The following DYNC1H1 variants were observed in gnomAD, a reference collection of about 807,000 sequenced individuals.
DYNC1H1 encodes cytoplasmic dynein 1 heavy chain 1.
A neutral mutation model predicts 527.1 loss-of-function variants in DYNC1H1; 51 were observed. The ratio of observed to expected loss-of-function variants is 0.10; its 90% CI spans 0.08 to 0.12. DYNC1H1 has a LOEUF of 0.12. DYNC1H1 is among the 10% of genes least tolerant of loss of function. DYNC1H1 has a pLI of 1.00. For synonymous variants in DYNC1H1, 2,189 were observed against 2,278.8 expected (o/e 0.96, Z 1.12); for missense variants, 2,771 against 5,971.8 (o/e 0.46, Z 17.66).
chr14:102,010,773 C>T lies in DYNC1H1; in HGVS notation c.6439C>T (p.Pro2147Ser). 1 of 1,613,456 alleles carries T rather than the reference C, an allele frequency of 6.2e-7. No homozygotes were observed. ...LIQSVCETMV[P>S]KLVAEDIPLL... is the part of the protein sequence containing the mutation. ...ACAGAGCGTCTGTGAGACGATGGTG[C>T]CAAAGCTGGTGGCAGAGGACATCCC... The change falls in exon 32 of 78, where the codon CCA (proline) becomes TCA (serine). Residue 2147 changes from proline (P) to serine (S), a missense_variant. This residue lies in a region of DYNC1H1 where 56 missense variants were observed against 140.6 expected (regional missense o/e 0.40). Coordinates refer to ENST00000360184, the MANE Select transcript of DYNC1H1 (RefSeq NM_001376.5). This position sits in a 1 kb window ranked among gnomAD's most constrained non-coding sequence, Gnocchi z 6.0.
rs1299143976 is a variant in DYNC1H1, at chr14:101,986,782, C to T, written c.2538+19C>T. ...AGAAAAGGTATGCTCTCATGTAATC[C>T]TCAGGTGTCCTGGTAACGAATGAAG... On this transcript the variant is annotated intron_variant, in intron 8 of 77. Transcript: ENST00000360184. The surrounding 1 kb of genome is among the most constrained non-coding windows in gnomAD (Gnocchi z 8.7). 5 of 1,613,218 alleles carry T rather than the reference C, an allele frequency of 3.1e-6. No individual in the cohort carries two copies. In the Admixed American group the frequency reaches 6.7e-5, roughly 22 times the overall value.
At chr14:101,982,460 C>T (rs2047878718) in intron 5 of DYNC1H1, among the ~76,000 whole-genome samples, 1 of 151,964 alleles carries the variant, frequency 6.6e-6, no homozygotes, top group African/African-American at 2.4e-5. Context: ...GGCGTGGTGG[C>T]AGGCGCCTGT....
At position 102,017,743 on chromosome 14, in the gene DYNC1H1, G is replaced by T. The variant is rs1595618203; in HGVS notation, c.8177+239G>T. On this transcript the variant is annotated intron_variant, in intron 40 of 77. Transcript: ENST00000360184. The surrounding 1 kb of genome is among the most constrained non-coding windows in gnomAD (Gnocchi z 4.6). ...GCACTTTGGGAGGCCGAGGCGGGCG[G>T]ATCACGAGGTCAGGAGATTGAGACC... 2 of 611,258 alleles carry T rather than the reference G, an allele frequency of 3.3e-6. No homozygotes were observed. The highest frequency in any genetic ancestry group is 7.2e-5 in the East Asian group (2 of 27,768). The allele number at this position is 611,258 out of a possible 1,614,324, so 37.9% of individuals were successfully genotyped here.
intron 2 of DYNC1H1, among the ~76,000 whole-genome samples, chr14:101,977,401 A>T (rs1427160656): frequency 6.6e-6 from 1 of 152,198 alleles, no homozygotes; most frequent in Non-Finnish European, 1.5e-5. Context: ...CCACTTTTGC[A>T]TTATCATTTT....
At position 102,038,075 on chromosome 14, in the gene DYNC1H1, G is replaced by A. The variant is rs2048598977; in HGVS notation, c.10909-385G>A. 1 of 348,806 alleles carries A rather than the reference G, an allele frequency of 2.9e-6. No homozygotes were observed. The highest frequency in any genetic ancestry group is 3.9e-5 in the Admixed American group (1 of 25,504). 21.6% of individuals were successfully genotyped at this position (348,806 alleles called of 1,614,324 possible). A position where few individuals can be genotyped will look rare whatever the true frequency, so the allele number is the denominator to read the frequency against. On this transcript the variant is annotated intron_variant, in intron 57 of 77. Transcript: ENST00000360184. This position sits in a 1 kb window ranked among gnomAD's most constrained non-coding sequence, Gnocchi z 7.2. ...TCTGTCCCCCAGTCTGAACCTCCCA[G>A]GTTCAAGCAATTCTGTCTCAGCCTC...
chr14:102,018,626 GT>G lies in DYNC1H1; in HGVS notation c.8343+13del, dbSNP rs2048351929. On this transcript the variant is annotated intron_variant, in intron 41 of 77. Coordinates refer to ENST00000360184, the MANE Select transcript of DYNC1H1 (RefSeq NM_001376.5). The surrounding 1 kb of genome is among the most constrained non-coding windows in gnomAD (Gnocchi z 5.2). ...CTACACCATGTCTCAGGTACGCAGA[GT>G]TTCTTTGCTCTTCCAGAAATTGTTT... The G allele has an allele frequency of 6.2e-7, 1 of 1,613,250 alleles. No individual in the cohort carries two copies. Among genetic ancestry groups the G allele is most frequent in the African/African-American group, 1.3e-5 (1 of 75,060 alleles).
chr14:101,987,373 T>C, intron 8 of DYNC1H1, 80 bp from the exon 9 acceptor site: 1 of 1,429,844 alleles, frequency 7.0e-7, no homozygotes, highest in South Asian at 1.2e-5. Context: ...CAATGTATAA[T>C]ATTTGAGAAG....
In DYNC1H1 at chr14:101,986,877, C is replaced by A; in HGVS notation, c.2538+114C>A. The A allele has an allele frequency of 7.8e-7, 1 of 1,278,422 alleles. No individual in the cohort carries two copies. Among genetic ancestry groups the A allele is most frequent in the Non-Finnish European group, 1.1e-6 (1 of 883,272 alleles). 79.2% of individuals were successfully genotyped at this position (1,278,422 alleles called of 1,614,324 possible). A position where few individuals can be genotyped will look rare whatever the true frequency, so the allele number is the denominator to read the frequency against. ...AGGCATGCATGGTTGATGCAGCATA[C>A]GGCCATGTGAGCTGCAAGGGAGGAG... On this transcript the variant is annotated intron_variant, in intron 8 of 77. Coordinates refer to ENST00000360184, the MANE Select transcript of DYNC1H1 (RefSeq NM_001376.5). This position sits in a 1 kb window ranked among gnomAD's most constrained non-coding sequence, Gnocchi z 8.7.
In DYNC1H1 at chr14:101,984,163, A is replaced by G. The variant is rs555031536; in HGVS notation, c.1461+554A>G. ...ATTTGTGTGTGTGTGTGTTGGCGGG[A>G]GGGGGCTGTAGAGGAGGGGTCTCAC... On this transcript the variant is annotated intron_variant, in intron 7 of 77. Coordinates refer to ENST00000360184, the MANE Select transcript of DYNC1H1 (RefSeq NM_001376.5). Among the ~76,000 whole-genome samples the G allele has an allele frequency of 1.3e-3, 191 of 146,464 alleles. 1 individual carries two copies. Among genetic ancestry groups the G allele is most frequent in the African/African-American group, 4.6e-3 (180 of 39,486 alleles).
intron 74 of DYNC1H1, 194 bp downstream of exon 74, chr14:102,048,863 C>T (rs1295042087): frequency 2.7e-6 from 2 of 746,444 alleles, no homozygotes; most frequent in East Asian, 2.9e-5. Context: ...ATTTGTTTTT[C>T]TTCTGTGCTG....
Position 101,983,671 on chromosome 14 carries a change from T to G in DYNC1H1, c.1461+62T>G. On this transcript the variant is annotated intron_variant, in intron 7 of 77. Coordinates refer to ENST00000360184, the MANE Select transcript of DYNC1H1 (RefSeq NM_001376.5). The surrounding 1 kb of genome is among the most constrained non-coding windows in gnomAD (Gnocchi z 5.3). ...TGTTTTTGTTTTGTTTTTTGTTTGG[T>G]GTTTTTTTTTTGTTGTTGTTGTTGA... 4 of 1,532,354 alleles carry G rather than the reference T, an allele frequency of 2.6e-6. No individual in the cohort carries two copies. The highest frequency in any genetic ancestry group is 3.5e-6 in the Non-Finnish European group (4 of 1,129,720). The allele number at this position is 1,532,354 out of a possible 1,614,324, so 94.9% of individuals were successfully genotyped here.
intron 50 of DYNC1H1, 69 bp from the exon 51 acceptor site, chr14:102,030,093 T>G (rs1471119795): frequency 1.9e-6 from 3 of 1,599,774 alleles, no homozygotes; most frequent in Non-Finnish European, 2.6e-6. Flanking sequence ...GAGTGAAGAA[T>G]GTTGTTTAGA....
At chr14:101,968,126 G>A (rs889704729) in intron 1 of DYNC1H1, among the ~76,000 whole-genome samples, 2 of 152,200 alleles carry the variant, frequency 1.3e-5, no homozygotes, top group East Asian at 1.9e-4. Context: ...ATCTCCGTTC[G>A]GTGGGGTATG....
At chr14:102,019,809 A>G in intron 41 of DYNC1H1, 84 bp from the exon 42 acceptor site, 3 of 1,550,348 alleles carry the variant, frequency 1.9e-6, no homozygotes, top group South Asian at 1.1e-5. Flanking sequence ...TAATGTAAAC[A>G]TGTTTTGCCA....
rs922913165 is a variant in DYNC1H1, at chr14:102,049,089, C to T, written c.13373-351C>T. On this transcript the variant is annotated intron_variant, in intron 74 of 77. Transcript: ENST00000360184. This position sits in a 1 kb window ranked among gnomAD's most constrained non-coding sequence, Gnocchi z 5.5. ...GTTGTGGGGAGCCCCCAGCATCCTC[C>T]TGTTTGCCCCAAAAGCCCTAATTGC... 14 of 431,910 alleles carry T rather than the reference C, an allele frequency of 3.2e-5. No homozygotes were observed. The highest frequency in any genetic ancestry group is 5.2e-5 in the Non-Finnish European group (12 of 231,158). 26.8% of individuals were successfully genotyped at this position (431,910 alleles called of 1,614,324 possible). A position where few individuals can be genotyped will look rare whatever the true frequency, so the allele number is the denominator to read the frequency against.
chr14:101,998,189 A>C (rs952681367), intron 16 of DYNC1H1, among the ~76,000 whole-genome samples: 1 of 151,328 alleles, frequency 6.6e-6, no homozygotes, highest in Non-Finnish European at 1.5e-5. Flanking sequence ...CGCTGATCCG[A>C]TAACACAAAC....
Position 102,012,468 on chromosome 14 carries a change from A to G in DYNC1H1, c.7012A>G (p.Asn2338Asp). The change falls in exon 34 of 78, where the codon AAT becomes GAT. Residue 2338 changes from asparagine (N) to aspartate (D), a missense_variant and splice_region_variant. Asn to Asp is a conservative substitution (Grantham distance 23). Coordinates refer to ENST00000360184, the MANE Select transcript of DYNC1H1 (RefSeq NM_001376.5). The surrounding 1 kb of genome is among the most constrained non-coding windows in gnomAD (Gnocchi z 4.9). ...TGGAGAGCGCCTCAGTCTTCCACCC[A>G]ATGTAAGTAGCCTTTTGTATGTCGT... ...PNGERLSLPP[N>D]VRIMFEVQDL... The G allele has an allele frequency of 6.2e-7, 1 of 1,614,160 alleles. No homozygotes were observed. The highest frequency in any genetic ancestry group is 8.5e-7 in the Non-Finnish European group (1 of 1,180,030).
In DYNC1H1 at chr14:102,042,812, A is replaced by C; in HGVS notation, c.12513+64A>C. On this transcript the variant is annotated intron_variant, in intron 69 of 77. Transcript: ENST00000360184. This position sits in a 1 kb window ranked among gnomAD's most constrained non-coding sequence, Gnocchi z 5.7. ...AGCTAAAGCCCAGTCCCATCACCAA[A>C]TGCAGAAGTGGGTCCCTGGGCCCCC... The C allele has an allele frequency of 6.3e-7, 1 of 1,576,604 alleles. No homozygotes were observed. The highest frequency in any genetic ancestry group is 8.7e-7 in the Non-Finnish European group (1 of 1,154,072).
intron 29 of DYNC1H1, 67 bp from the exon 30 acceptor site, chr14:102,009,776 A>G (rs2048237804): frequency 6.2e-7 from 1 of 1,609,214 alleles, no homozygotes; most frequent in Non-Finnish European, 8.5e-7. Flanking sequence ...TTTTAGAGAC[A>G]TTTTAGAATG....
Sources: gnomAD v4.1 joint callset for allele counts (sites outside exome capture counted in the v4.1 genomes callset) on GRCh38, gnomAD v4.1.1 for gene constraint, gnomAD v4.1.1 regional missense constraint, Gnocchi (gnomAD v3.1) non-coding constraint, MANE v1.5 for transcripts, NCBI Gene and HGNC (gene_info 2026-07-23, HGNC 2026-07-21) for gene names.